DNMT1: variants seen among roughly 807,000 people sequenced by gnomAD.
DNMT1 encodes DNA methyltransferase 1.
DNMT1 carries 24 observed loss-of-function variants against 205.3 expected under a neutral mutation model. That is an observed-to-expected ratio of 0.12 (90% CI 0.08 to 0.16). DNMT1 has a LOEUF of 0.16. DNMT1 is among the 10% of genes least tolerant of loss of function. DNMT1 has a pLI of 1.00. For synonymous variants in DNMT1, 817 were observed against 839.8 expected, an observed-to-expected ratio of 0.97 and a Z score of 0.47; for missense variants, 1,293 against 2,177.7, an observed-to-expected ratio of 0.59 and a Z score of 8.09.
At chr19:10,192,842 T>A (rs967513530) in intron 1 of DNMT1, among the ~76,000 whole-genome samples, 6 of 151,578 alleles carry the variant, frequency 4.0e-5, no homozygotes, top group African/African-American at 2.4e-5. Flanking sequence ...AGGTCAGGAG[T>A]TCGAGACCAG....
At chr19:10,168,470 C>T in intron 9 of DNMT1, 106 bp from the exon 10 acceptor site, 1 of 1,185,824 alleles carries the variant, frequency 8.4e-7, no homozygotes, top group Non-Finnish European at 1.2e-6. Context: ...CTAGAGTCCA[C>T]TGGTGGGAGT....
At position 10,151,868 on chromosome 19, in the gene DNMT1, G is replaced by A; in HGVS notation, c.2020-21C>T. 6.2e-7 allele frequency: 1 copy of A among 1,610,168 alleles called. No homozygotes were observed. The highest frequency in any genetic ancestry group is 8.5e-7 in the Non-Finnish European group (1 of 1,176,732). Reference sequence around the variant, plus strand: ...CACACCTAAAAAATGGCATTAAAAAGGCAAATCAGGGCTGGGCACAGTGGT... The same window carrying A: ...CACACCTAAAAAATGGCATTAAAAAAGCAAATCAGGGCTGGGCACAGTGGT... On this transcript the variant is annotated intron_variant, in intron 22 of 40. Coordinates refer to ENST00000359526, the MANE Select transcript of DNMT1 (RefSeq NM_001130823.3). This position sits in a 1 kb window ranked among gnomAD's most constrained non-coding sequence, Gnocchi z 5.0.
chr19:10,168,091 C>G (rs1698866128), intron 10 of DNMT1, among the ~76,000 whole-genome samples: 1 of 151,924 alleles, frequency 6.6e-6, no homozygotes, highest in African/African-American at 2.4e-5. Context: ...CCACTGTACT[C>G]CAGCCTGGGT....
At chr19:10,181,961 A>T in intron 2 of DNMT1, 80 bp downstream of exon 2, 1 of 1,332,894 alleles carries the variant, frequency 7.5e-7, no homozygotes, top group South Asian at 1.3e-5. Flanking sequence ...ATCCATTTAA[A>T]GAAAACAAAT....
At chr19:10,188,619 G>A (rs1452954552) in intron 1 of DNMT1, among the ~76,000 whole-genome samples, 1 of 152,150 alleles carries the variant, frequency 6.6e-6, no homozygotes, top group Non-Finnish European at 1.5e-5. Flanking sequence ...TGGCCAAAGC[G>A]ATTTTGCAGA....
intron 5 of DNMT1, among the ~76,000 whole-genome samples, chr19:10,177,851 T>G (rs1449504953): frequency 1.3e-5 from 2 of 150,550 alleles, no homozygotes; most frequent in African/African-American, 4.9e-5. Flanking sequence ...AAGAATCACT[T>G]GAACCCAGGA....
In DNMT1 at chr19:10,134,951, C is replaced by G. The variant is rs534652854; in HGVS notation, c.4774-644G>C. Among the ~76,000 whole-genome samples the G allele has an allele frequency of 2.6e-5, 4 of 151,636 alleles. No individual in the cohort carries two copies. In the South Asian group the frequency reaches 8.4e-4, roughly 32 times the overall value. On this transcript the variant is annotated intron_variant, in intron 39 of 40. Transcript: ENST00000359526. ...TCCCTGGCCGGCGCAGTGGCTCATG[C>G]CTGTAATCCCAGCACTTTGGGAGGC...
chr19:10,163,417 G>T (rs1317318531), intron 11 of DNMT1, 57 bp from the exon 12 acceptor site: 5 of 1,559,240 alleles, frequency 3.2e-6, no homozygotes, highest in Non-Finnish European at 4.4e-6. Flanking sequence ...ATTAGTTTCT[G>T]AGCCAGAGTG....
chr19:10,194,382 C>T (rs992029238), intron 1 of DNMT1, among the ~76,000 whole-genome samples: 1 of 151,718 alleles, frequency 6.6e-6, no homozygotes, highest in African/African-American at 2.4e-5. Context: ...GAAGCGCCCC[C>T]GGGGACCGGG....
At chr19:10,145,087 G>A (rs546179521) in intron 28 of DNMT1, among the ~76,000 whole-genome samples, 34 of 152,342 alleles carry the variant, frequency 2.2e-4, no homozygotes, top group African/African-American at 8.2e-4. Context: ...ATCTAGAAGC[G>A]ACACTGGAGG....
rs8112801 is a variant in DNMT1 at position 10,142,423 on chromosome 19, T to G, written c.3117-203A>C. Among the ~76,000 whole-genome samples, 72,655 of 147,640 alleles carry G rather than the reference T, an allele frequency of 0.49. 17,815 individuals are homozygous for G. Among genetic ancestry groups the G allele is most frequent in the Admixed American group, 0.51 (7,632 of 14,850 alleles). On this transcript the variant is annotated intron_variant, in intron 29 of 40. Transcript: ENST00000359526. ...CACACTGGGGAACTGCAAGGTAGAC[T>G]CCCCCCCATTTAGGGAACTGCAGGG...
intron 1 of DNMT1, among the ~76,000 whole-genome samples, chr19:10,187,245 T>C (rs553757960): frequency 2.0e-5 from 3 of 151,706 alleles, no homozygotes; most frequent in East Asian, 3.9e-4. Flanking sequence ...ATAGATTGGA[T>C]AGGAAGAAAT....
intron 22 of DNMT1, among the ~76,000 whole-genome samples, chr19:10,152,979 T>C (rs1382073332): frequency 6.6e-6 from 1 of 150,394 alleles, no homozygotes; most frequent in East Asian, 1.9e-4. Context: ...ATTAGAAATA[T>C]GGTAAGTGAG....
intron 11 of DNMT1, among the ~76,000 whole-genome samples, chr19:10,166,217 T>C (rs973142508): frequency 6.6e-6 from 1 of 152,068 alleles, no homozygotes; most frequent in African/African-American, 2.4e-5. Context: ...AGAGCTAGAC[T>C]CAGAACGTAG....
At chr19:10,135,307 G>A (rs890413327) in intron 39 of DNMT1, 1 of 186,304 alleles carries the variant, frequency 5.4e-6, no homozygotes, top group African/African-American at 2.4e-5. Flanking sequence ...CGTGGACACT[G>A]GTTTTTAAGC....
intron 28 of DNMT1, 145 bp from the exon 29 acceptor site, chr19:10,144,132 G>T: frequency 1.1e-6 from 1 of 870,680 alleles, no homozygotes; most frequent in Non-Finnish European, 1.9e-6. Context: ...GATTTAGGCT[G>T]GGCATTGTGG....
intron 13 of DNMT1, among the ~76,000 whole-genome samples, chr19:10,161,077 C>T (rs996436117): frequency 2.6e-5 from 4 of 151,960 alleles, no homozygotes; most frequent in African/African-American, 7.3e-5. Context: ...GAGACCGAGG[C>T]GGATGGATCA....
intron 11 of DNMT1, among the ~76,000 whole-genome samples, chr19:10,163,744 A>G (rs972654301): frequency 1.3e-5 from 2 of 152,210 alleles, no homozygotes; most frequent in Non-Finnish European, 2.9e-5. Flanking sequence ...CTCTGTTCCA[A>G]TAAAACTTTA....
intron 10 of DNMT1, among the ~76,000 whole-genome samples, chr19:10,167,679 T>C (rs921964326): frequency 1.3e-5 from 2 of 152,216 alleles, no homozygotes; most frequent in Non-Finnish European, 1.5e-5. Context: ...ACAAGTGAGC[T>C]TGAAAAATGC....
Sources: allele counts gnomAD v4.1 joint callset (sites outside exome capture counted in the v4.1 genomes callset), GRCh38; gene constraint gnomAD v4.1.1; non-coding constraint Gnocchi (gnomAD v3.1); transcripts MANE v1.5; gene names NCBI Gene and HGNC (gene_info 2026-07-23, HGNC 2026-07-21).